Variants in SLIT2 observed in about 807,000 individuals in gnomAD.
SLIT2 encodes slit homolog 2 protein.
Under a neutral mutation model 185.7 loss-of-function variants are expected in SLIT2, and 41 were observed. The observed-to-expected ratio is 0.22, with a 90% CI of 0.17 to 0.29. The LOEUF (loss-of-function observed/expected upper bound fraction) is 0.29. Ranked by LOEUF, SLIT2 falls within the 10% of genes least tolerant of loss-of-function variation. SLIT2 has a pLI of 1.00. For synonymous variants in SLIT2, 693 were observed against 680.2 expected, an observed-to-expected ratio of 1.02 and a Z score of -0.29; for missense variants, 1,571 against 1,909.0, an observed-to-expected ratio of 0.82 and a Z score of 3.30.
intron 26 of SLIT2, among the ~76,000 whole-genome samples, chr4:20,556,284 C>G (rs977056817): frequency 6.6e-6 from 1 of 151,918 alleles, no homozygotes; most frequent in African/African-American, 2.4e-5. Flanking sequence ...GAAGGTGAAA[C>G]TGGCATAAAA....
intron 4 of SLIT2, among the ~76,000 whole-genome samples, chr4:20,272,350 C>A (rs1243347502): frequency 4.0e-5 from 6 of 151,564 alleles, no homozygotes. Flanking sequence ...CCTCCAAAAT[C>A]AAGGTTGCAT....
chr4:20,500,209 T>G (rs2148811784), intron 9 of SLIT2, among the ~76,000 whole-genome samples: 1 of 152,348 alleles, frequency 6.6e-6, no homozygotes. Context: ...TTGACAGAAC[T>G]TTATTGTTTC....
At chr4:20,507,908 A>G (rs1484204202) in intron 9 of SLIT2, among the ~76,000 whole-genome samples, 3 of 152,004 alleles carry the variant, frequency 2.0e-5, no homozygotes, top group Non-Finnish European at 4.4e-5. Context: ...TATTTCATCT[A>G]TAGCTCGTAT....
intron 4 of SLIT2, among the ~76,000 whole-genome samples, chr4:20,279,328 A>C (rs1225602035): frequency 6.6e-6 from 1 of 152,210 alleles, no homozygotes; most frequent in African/African-American, 2.4e-5. Flanking sequence ...TCATGCTATC[A>C]TAGCAGATCT....
intron 3 of SLIT2, among the ~76,000 whole-genome samples, chr4:20,267,519 C>T (rs2109026081): frequency 6.6e-6 from 1 of 151,950 alleles, no homozygotes; most frequent in East Asian, 1.9e-4. Flanking sequence ...CCTGGTCTCG[C>T]TTCTCACTTA....
intron 29 of SLIT2, among the ~76,000 whole-genome samples, chr4:20,586,603 A>G (rs1011634894): frequency 6.6e-6 from 1 of 152,222 alleles, no homozygotes; most frequent in African/African-American, 2.4e-5. Context: ...AAGTGACTGC[A>G]TATTTATACA....
chr4:20,583,600 A>G (rs776472575), intron 29 of SLIT2, among the ~76,000 whole-genome samples: 2 of 151,958 alleles, frequency 1.3e-5, no homozygotes, highest in Non-Finnish European at 2.9e-5. Flanking sequence ...TCACAGGGTC[A>G]AGAGATGAGA....
chr4:20,306,957 G>A lies in SLIT2; in HGVS notation c.395+38076G>A, dbSNP rs150396210. On this transcript the variant is annotated intron_variant, in intron 4 of 36. Transcript: ENST00000504154. ...AAATTTGTATTTTTCTTATAGGATT[G>A]TCAACTTCTTGAGTGCAGAAATTCA... Among the ~76,000 whole-genome samples, 81 of 152,036 alleles carry A rather than the reference G, an allele frequency of 5.3e-4. No homozygotes were observed. In the East Asian group the frequency reaches 0.013, roughly 24 times the overall value.
chr4:20,376,109 G>A (rs374622875), intron 4 of SLIT2, among the ~76,000 whole-genome samples: 1 of 103,712 alleles, frequency 9.6e-6, no homozygotes, highest in African/African-American at 3.6e-5. Flanking sequence ...GAATATCATT[G>A]TTTAACTTTT....
Position 20,329,211 on chromosome 4 carries a change from A to C in SLIT2, c.395+60330A>C, listed in dbSNP as rs560516194. On this transcript the variant is annotated intron_variant, in intron 4 of 36. Transcript: ENST00000504154. The stretch of plus-strand genomic sequence containing the variant: ...ATTGTAATAGGAACAATATTAGGGA[A>C]GGAAATACGTAGATGAAATGACATG... Among the ~76,000 whole-genome samples, 75 of 152,164 alleles carry C rather than the reference A, an allele frequency of 4.9e-4. No individual in the cohort carries two copies. The South Asian group carries it at 0.014, about 29-fold the overall frequency.
intron 4 of SLIT2, among the ~76,000 whole-genome samples, chr4:20,457,976 T>C (rs929443561): frequency 1.3e-5 from 2 of 151,952 alleles, no homozygotes; most frequent in South Asian, 2.1e-4. Flanking sequence ...AGTCAAAGAA[T>C]CTCAGTAACT....
At chr4:20,473,904 T>G (rs978711718) in intron 5 of SLIT2, among the ~76,000 whole-genome samples, 2 of 152,046 alleles carry the variant, frequency 1.3e-5, no homozygotes, top group Non-Finnish European at 2.9e-5. Flanking sequence ...CAAAATGTCT[T>G]CTTTAATCTG....
At chr4:20,378,361 T>C (rs1429949747) in intron 4 of SLIT2, among the ~76,000 whole-genome samples, 1 of 152,164 alleles carries the variant, frequency 6.6e-6, no homozygotes, top group East Asian at 1.9e-4. Flanking sequence ...GTGATTACAG[T>C]TTACATATTT....
chr4:20,590,779 A>G (rs1344974858), intron 30 of SLIT2, among the ~76,000 whole-genome samples: 1 of 152,236 alleles, frequency 6.6e-6, no homozygotes, highest in African/African-American at 2.4e-5. Flanking sequence ...GCAGTAGTTT[A>G]GAGATCATCT....
At chr4:20,533,956 C>T (rs1036088467) in intron 18 of SLIT2, among the ~76,000 whole-genome samples, 3 of 148,666 alleles carry the variant, frequency 2.0e-5, no homozygotes, top group Non-Finnish European at 4.5e-5. Flanking sequence ...CACACACACA[C>T]GTATTGTGAA....
chr4:20,542,754 A>G, intron 21 of SLIT2, 128 bp downstream of exon 21: 1 of 996,302 alleles, frequency 1.0e-6, no homozygotes, highest in Non-Finnish European at 1.5e-6. Flanking sequence ...GTTAATTATT[A>G]TCCTGTAAAA....
At chr4:20,533,063 G>A (rs573118) in intron 17 of SLIT2, among the ~76,000 whole-genome samples, 128,220 of 152,188 alleles carry the variant, frequency 0.84, 54,076 homozygotes, top group East Asian at 0.95. Flanking sequence ...ATCATACGTA[G>A]TACTGACAGT....
At chr4:20,333,468 C>T (rs562449486) in intron 4 of SLIT2, among the ~76,000 whole-genome samples, 23 of 152,232 alleles carry the variant, frequency 1.5e-4, no homozygotes, top group African/African-American at 5.5e-4. Context: ...TTCTCCCTCT[C>T]CCTCCACTGA....
intron 6 of SLIT2, among the ~76,000 whole-genome samples, chr4:20,481,832 T>C (rs1372857029): frequency 2.6e-5 from 4 of 152,056 alleles, no homozygotes; most frequent in Non-Finnish European, 4.4e-5. Flanking sequence ...AATTTCCAGC[T>C]GTGTAATGTA....
Sources: gnomAD v4.1 joint callset for allele counts (sites outside exome capture counted in the v4.1 genomes callset) on GRCh38, gnomAD v4.1.1 for gene constraint, MANE v1.5 for transcripts, NCBI Gene and HGNC (gene_info 2026-07-23, HGNC 2026-07-21) for gene names.